Variants in TBCA observed in about 807,000 individuals in gnomAD.
The protein encoded by TBCA is tubulin folding cofactor A, also known as tubulin-specific chaperone A.
In TBCA, 6 loss-of-function variants were observed where a neutral mutation model predicts 15.8. That is an observed-to-expected ratio of 0.38 (90% CI 0.21 to 0.75). The LOEUF is 0.75. Ranked by LOEUF, TBCA falls within the 30% of genes least tolerant of loss-of-function variation. The pLI, the probability that TBCA is intolerant of heterozygous loss-of-function variation, is 0.46. For synonymous variants in TBCA, 32 were observed against 42.3 expected (o/e 0.76, Z 0.94); for missense variants, 90 against 131.2 (o/e 0.69, Z 1.53).
At chr5:77,760,951 C>T (rs254380) in intron 1 of TBCA, among the ~76,000 whole-genome samples, 33,931 of 90,578 alleles carry the variant, frequency 0.37, 4,657 homozygotes, top group Non-Finnish European at 0.49. Flanking sequence ...CACCTCTGCC[C>T]GGCCACCCAT....
At chr5:77,718,790 G>A (rs183511927) in intron 1 of TBCA, among the ~76,000 whole-genome samples, 2 of 152,146 alleles carry the variant, frequency 1.3e-5, no homozygotes, top group African/African-American at 4.8e-5. Context: ...AAATGAGATG[G>A]GGCTGGAGAT....
At chr5:77,696,457 C>T (rs971156146) in intron 2 of TBCA, among the ~76,000 whole-genome samples, 11 of 152,122 alleles carry the variant, frequency 7.2e-5, no homozygotes, top group African/African-American at 2.7e-4. Flanking sequence ...GGCCCTTACG[C>T]TCTAATGTAT....
intron 1 of TBCA, among the ~76,000 whole-genome samples, chr5:77,723,772 T>A (rs1477821976): frequency 6.6e-6 from 1 of 152,032 alleles, no homozygotes; most frequent in South Asian, 2.1e-4. Flanking sequence ...TAGTAATAGA[T>A]ACTGCGTATC....
intron 1 of TBCA, among the ~76,000 whole-genome samples, chr5:77,773,496 G>T (rs889901911): frequency 6.6e-6 from 1 of 152,150 alleles, no homozygotes; most frequent in African/African-American, 2.4e-5. Context: ...CTTGAGTTGG[G>T]TGCTTGCTCT....
At chr5:77,705,691 G>A (rs1746134630) in intron 2 of TBCA, 1 of 397,176 alleles carries the variant, frequency 2.5e-6, no homozygotes, top group Non-Finnish European at 4.4e-6. Flanking sequence ...GGCCAGGCAT[G>A]GTGGCACACA....
At chr5:77,767,962 G>T (rs1747819247) in intron 1 of TBCA, among the ~76,000 whole-genome samples, 1 of 152,134 alleles carries the variant, frequency 6.6e-6, no homozygotes, top group South Asian at 2.1e-4. Flanking sequence ...CTTGTGAATG[G>T]GATTAAGGCC....
chr5:77,734,684 T>G (rs1317242617), intron 1 of TBCA, among the ~76,000 whole-genome samples: 17 of 152,104 alleles, frequency 1.1e-4, no homozygotes, highest in Non-Finnish European at 2.9e-5. Flanking sequence ...GTAAACTTAG[T>G]TGATGAAGCG....
At chr5:77,728,906 A>C (rs1269596194) in intron 1 of TBCA, among the ~76,000 whole-genome samples, 1 of 152,114 alleles carries the variant, frequency 6.6e-6, no homozygotes, top group Non-Finnish European at 1.5e-5. Context: ...TCAGGCTCAC[A>C]ATCTGTGGGC....
chr5:77,692,380 C>T, intron 3 of TBCA: 1 of 984,440 alleles, frequency 1.0e-6, no homozygotes, highest in Non-Finnish European at 1.2e-6. Flanking sequence ...ACAAGCTCTT[C>T]AAGGGCAGAG....
chr5:77,701,306 A>T (rs1372832446), intron 2 of TBCA, among the ~76,000 whole-genome samples: 3 of 152,188 alleles, frequency 2.0e-5, no homozygotes, highest in African/African-American at 7.2e-5. Flanking sequence ...CAAATATATG[A>T]AAAAATGCTC....
chr5:77,722,852 A>T (rs1208693675), intron 1 of TBCA, among the ~76,000 whole-genome samples: 1 of 151,808 alleles, frequency 6.6e-6, no homozygotes, highest in Non-Finnish European at 1.5e-5. Context: ...TATATTATCA[A>T]TTTAAATAAA....
intron 1 of TBCA, among the ~76,000 whole-genome samples, chr5:77,758,730 AG>A (rs1000518055): frequency 1.3e-5 from 2 of 152,130 alleles, no homozygotes; most frequent in Non-Finnish European, 2.9e-5. Context: ...CAGTGTGTTT[AG>A]GAAGTTGTAT....
intron 1 of TBCA, among the ~76,000 whole-genome samples, chr5:77,754,789 G>A (rs1302255127): frequency 2.0e-5 from 3 of 152,134 alleles, no homozygotes; most frequent in Non-Finnish European, 4.4e-5. Flanking sequence ...AGATAAAAAT[G>A]AAATTGTTTC....
intron 1 of TBCA, among the ~76,000 whole-genome samples, chr5:77,774,756 C>T (rs1747982715): frequency 6.6e-6 from 1 of 152,078 alleles, no homozygotes; most frequent in Admixed American, 6.5e-5. Context: ...ATATCCTTAA[C>T]CTTGGCAAAA....
At chr5:77,748,074 G>A (rs1392057536) in intron 1 of TBCA, among the ~76,000 whole-genome samples, 2 of 152,032 alleles carry the variant, frequency 1.3e-5, no homozygotes, top group African/African-American at 2.4e-5. Context: ...CATAAGCAAT[G>A]GTTATTCTTC....
chr5:77,711,814 C>T (rs1746283590), intron 1 of TBCA, among the ~76,000 whole-genome samples: 1 of 152,146 alleles, frequency 6.6e-6, no homozygotes, highest in Admixed American at 6.5e-5. Context: ...TAAAGAGTTA[C>T]TTAACTACCT....
intron 1 of TBCA, among the ~76,000 whole-genome samples, chr5:77,749,215 C>CTGT (rs1355375216): frequency 6.6e-6 from 1 of 152,208 alleles, no homozygotes. Context: ...AAGAGATGAA[C>CTGT]TGTTCACAAG....
intron 1 of TBCA, among the ~76,000 whole-genome samples, chr5:77,748,485 C>CTTTT (rs35974461): frequency 4.0e-5 from 6 of 148,384 alleles, no homozygotes; most frequent in African/African-American, 7.4e-5. Flanking sequence ...TTTAGTTTTG[C>CTTTT]TTTTTTTTTT....
At chr5:77,729,811 A>G (rs1746721666) in intron 1 of TBCA, among the ~76,000 whole-genome samples, 1 of 152,204 alleles carries the variant, frequency 6.6e-6, no homozygotes. Context: ...GTTAGTTAAT[A>G]CATTCTCTTT....
Sources: gnomAD v4.1 joint callset for allele counts (sites outside exome capture counted in the v4.1 genomes callset) on GRCh38, gnomAD v4.1.1 for gene constraint, MANE v1.5 for transcripts, NCBI Gene and HGNC (gene_info 2026-07-23, HGNC 2026-07-21) for gene names.